The following RHOJ variants were observed in gnomAD, a reference collection of about 807,000 sequenced individuals.
The protein encoded by RHOJ is ras homolog family member J, also known as rho-related GTP-binding protein RhoJ.
A neutral mutation model predicts 23.4 loss-of-function variants in RHOJ; 11 were observed. The observed-to-expected ratio is 0.47, with a 90% CI of 0.30 to 0.78. The LOEUF (loss-of-function observed/expected upper bound fraction) is 0.78, where lower values mean the gene tolerates loss of function less well. Ranked by LOEUF, RHOJ falls within the 30% of genes least tolerant of loss-of-function variation. The probability of loss-of-function intolerance (pLI) is 0.08; values close to 1 mark genes in which losing one functional copy is unlikely to be tolerated. For synonymous variants in RHOJ, 102 were observed against 102.7 expected, an observed-to-expected ratio of 0.99 and a Z score of 0.04; for missense variants, 254 against 273.4, an observed-to-expected ratio of 0.93 and a Z score of 0.50.
chr14:63,227,873 G>T (rs927896306), intron 1 of RHOJ, among the ~76,000 whole-genome samples: 1 of 152,190 alleles, frequency 6.6e-6, no homozygotes, highest in Admixed American at 6.5e-5. Context: ...TCATTTGCAG[G>T]AGCACCTTCC....
intron 1 of RHOJ, among the ~76,000 whole-genome samples, chr14:63,260,345 A>C (rs775788052): frequency 6.6e-6 from 1 of 152,320 alleles, no homozygotes; most frequent in Non-Finnish European, 1.5e-5. Flanking sequence ...TATTTATCAC[A>C]CGTTCTACTC....
intron 1 of RHOJ, among the ~76,000 whole-genome samples, chr14:63,263,603 T>C (rs193220708): frequency 7.2e-5 from 11 of 152,328 alleles, no homozygotes; most frequent in Admixed American, 4.6e-4. Flanking sequence ...CCAGCAGTAC[T>C]GGCCCCACAC....
intron 1 of RHOJ, among the ~76,000 whole-genome samples, chr14:63,210,332 A>G (rs534998089): frequency 1.3e-3 from 203 of 152,326 alleles, no homozygotes; most frequent in Middle Eastern, 6.8e-3. Context: ...ATGTGTAAAT[A>G]TCACTTGGGA....
At chr14:63,258,745 T>A (rs17224610) in intron 1 of RHOJ, among the ~76,000 whole-genome samples, 49,379 of 152,038 alleles carry the variant, frequency 0.32, 10,799 homozygotes, top group African/African-American at 0.63. Context: ...CATGAAAAGT[T>A]CTGAGAAGAA....
At chr14:63,286,259 G>T (rs1298296168) in intron 4 of RHOJ, among the ~76,000 whole-genome samples, 1 of 152,180 alleles carries the variant, frequency 6.6e-6, no homozygotes, top group African/African-American at 2.4e-5. Flanking sequence ...CAGAAGAGGA[G>T]GGAGACAGGC....
rs781533128 is a variant in RHOJ, at chr14:63,205,042, A to T, written c.173A>T (p.Tyr58Phe). 4 of 1,612,456 alleles carry T rather than the reference A, an allele frequency of 2.5e-6. No homozygotes were observed. Among genetic ancestry groups the T allele is most frequent in the Non-Finnish European group, 3.4e-6 (4 of 1,178,822 alleles). Reference protein sequence around the residue: ...EEYVPTVFDHYAVTVTVGGKQ... With the variant: ...EEYVPTVFDHFAVTVTVGGKQ... ...TACGTGCCCACTGTGTTTGACCACT[A>T]TGCAGGTAAGAAAAAGTGGGAAACT... Residue 58 changes from tyrosine to phenylalanine, a missense_variant, in exon 1 of 5, where the codon TAT (tyrosine) becomes TTT (phenylalanine). Transcript: ENST00000316754.
intron 1 of RHOJ, among the ~76,000 whole-genome samples, chr14:63,214,967 T>TA (rs949400531): frequency 1.3e-4 from 20 of 152,160 alleles, no homozygotes; most frequent in Admixed American, 4.6e-4. Flanking sequence ...AAAGGAATCT[T>TA]AAAAAAACAG....
At chr14:63,215,334 A>G (rs1894331988) in intron 1 of RHOJ, among the ~76,000 whole-genome samples, 1 of 152,170 alleles carries the variant, frequency 6.6e-6, no homozygotes, top group African/African-American at 2.4e-5. Flanking sequence ...ACGGGTACCA[A>G]GCCTTCCTTT....
At chr14:63,256,467 C>T (rs1895167304) in intron 1 of RHOJ, among the ~76,000 whole-genome samples, 1 of 152,136 alleles carries the variant, frequency 6.6e-6, no homozygotes, top group African/African-American at 2.4e-5. Flanking sequence ...GTAAGCTTCA[C>T]AAGATAGGGA....
chr14:63,236,780 C>T (rs1215154894), intron 1 of RHOJ, among the ~76,000 whole-genome samples: 1 of 151,932 alleles, frequency 6.6e-6, no homozygotes, highest in African/African-American at 2.4e-5. Flanking sequence ...CACACACACA[C>T]ACACACACAG....
At chr14:63,232,095 T>A (rs912085270) in intron 1 of RHOJ, among the ~76,000 whole-genome samples, 4 of 152,164 alleles carry the variant, frequency 2.6e-5, no homozygotes, top group African/African-American at 4.8e-5. Context: ...GCGACATGAC[T>A]TCCTGGGGTC....
chr14:63,270,184 T>C (rs1895442778), intron 2 of RHOJ, among the ~76,000 whole-genome samples: 1 of 151,998 alleles, frequency 6.6e-6, no homozygotes, highest in Non-Finnish European at 1.5e-5. Flanking sequence ...TTTTTTTTTT[T>C]TTCACAATTG....
At chr14:63,233,832 C>T (rs577345109) in intron 1 of RHOJ, among the ~76,000 whole-genome samples, 1 of 152,278 alleles carries the variant, frequency 6.6e-6, no homozygotes, top group East Asian at 1.9e-4. Context: ...ACAACAACAA[C>T]AACAAATCCA....
Position 63,236,245 on chromosome 14 carries a change from G to A in RHOJ, c.178+31198G>A, listed in dbSNP as rs549353690. On this transcript the variant is annotated intron_variant, in intron 1 of 4. Transcript: ENST00000316754. ...AGGTCTCTTCAGTAAAGCCTGCTGT[G>A]TAAGCCAGCTATGGTGGTAGAATAC... Among the ~76,000 whole-genome samples the A allele has an allele frequency of 8.5e-5, 13 of 152,274 alleles. No individual in the cohort carries two copies. The South Asian group carries it at 1.7e-3, about 19-fold the overall frequency.
chr14:63,213,336 C>G (rs2139729443), intron 1 of RHOJ, among the ~76,000 whole-genome samples: 1 of 152,264 alleles, frequency 6.6e-6, no homozygotes, highest in South Asian at 2.1e-4. Context: ...ATCTTCCTGT[C>G]CATGTGTACC....
At chr14:63,228,822 T>G (rs952025099) in intron 1 of RHOJ, among the ~76,000 whole-genome samples, 3 of 152,224 alleles carry the variant, frequency 2.0e-5, no homozygotes, top group Non-Finnish European at 4.4e-5. Flanking sequence ...AACTCATGAA[T>G]GTTATTATGC....
At chr14:63,285,988 G>A (rs1454836866) in intron 4 of RHOJ, among the ~76,000 whole-genome samples, 2 of 152,054 alleles carry the variant, frequency 1.3e-5, no homozygotes, top group African/African-American at 4.8e-5. Flanking sequence ...TCTTCACACT[G>A]TGCCTTTTGT....
At chr14:63,279,495 G>C (rs1236284926) in intron 2 of RHOJ, among the ~76,000 whole-genome samples, 2 of 152,118 alleles carry the variant, frequency 1.3e-5, no homozygotes, top group East Asian at 3.8e-4. Flanking sequence ...TGAAATATCA[G>C]GTTTTACCGT....
chr14:63,276,325 T>C (rs1881718573), intron 2 of RHOJ, among the ~76,000 whole-genome samples: 1 of 152,168 alleles, frequency 6.6e-6, no homozygotes, highest in Non-Finnish European at 1.5e-5. Context: ...CATTAGCTAA[T>C]CTTTAAGGCC....
Sources: allele counts gnomAD v4.1 joint callset (sites outside exome capture counted in the v4.1 genomes callset), GRCh38; gene constraint gnomAD v4.1.1; transcripts MANE v1.5; gene names NCBI Gene and HGNC (gene_info 2026-07-23, HGNC 2026-07-21).